STXBP6: variants seen among roughly 807,000 people sequenced by gnomAD.
STXBP6 encodes syntaxin binding protein 6, also known as syntaxin-binding protein 6.
A neutral mutation model predicts 26.9 loss-of-function variants in STXBP6; 21 were observed. That is an observed-to-expected ratio of 0.78 (90% CI 0.55 to 1.12). The LOEUF is 1.12. Among genes scored for constraint, STXBP6 ranks in the 50% most tolerant of loss-of-function variants. The pLI is 0.00. For synonymous variants in STXBP6, 97 were observed against 92.6 expected (o/e 1.05, Z -0.27); for missense variants, 232 against 257.9 (o/e 0.90, Z 0.69).
At chr14:24,888,721 CAAA>C (rs11292253) in intron 2 of STXBP6, among the ~76,000 whole-genome samples, 4 of 95,154 alleles carry the variant, frequency 4.2e-5, no homozygotes, top group African/African-American at 3.5e-5. Flanking sequence ...GACTCCGTCT[CAAA>C]AAAAAAAAAA....
At chr14:24,967,138 G>C (rs1595210960) in intron 2 of STXBP6, among the ~76,000 whole-genome samples, 1 of 152,246 alleles carries the variant, frequency 6.6e-6, no homozygotes, top group East Asian at 1.9e-4. Flanking sequence ...TCTTGGGCAG[G>C]CTAATTTGCC....
intron 1 of STXBP6, among the ~76,000 whole-genome samples, chr14:24,995,940 C>G (rs544059709): frequency 6.6e-6 from 1 of 152,258 alleles, no homozygotes; most frequent in South Asian, 2.1e-4. Context: ...CAAATCTGAA[C>G]ACTGCTTTCA....
At chr14:24,911,838 C>T (rs1452342943) in intron 2 of STXBP6, among the ~76,000 whole-genome samples, 1 of 152,160 alleles carries the variant, frequency 6.6e-6, no homozygotes, top group Non-Finnish European at 1.5e-5. Context: ...TGCACGTGCA[C>T]ATTTGTGTAC....
At chr14:25,021,026 A>G (rs996641194) in intron 1 of STXBP6, among the ~76,000 whole-genome samples, 1 of 151,800 alleles carries the variant, frequency 6.6e-6, no homozygotes, top group Non-Finnish European at 1.5e-5. Context: ...AATCATTCTC[A>G]CCATTCTCTC....
At chr14:24,823,181 A>T (rs1216407957) in intron 4 of STXBP6, among the ~76,000 whole-genome samples, 1 of 152,224 alleles carries the variant, frequency 6.6e-6, no homozygotes, top group Non-Finnish European at 1.5e-5. Context: ...CTTTTAAAAA[A>T]ATATATACGC....
At chr14:24,855,863 G>A (rs1201543198) in intron 4 of STXBP6, 73 bp downstream of exon 4, 3 of 1,421,798 alleles carry the variant, frequency 2.1e-6, no homozygotes, top group Non-Finnish European at 1.9e-6. Context: ...TTATGCTGCT[G>A]AACTCCTAAC....
At chr14:25,033,958 A>C (rs1043465736) in intron 1 of STXBP6, among the ~76,000 whole-genome samples, 2 of 152,216 alleles carry the variant, frequency 1.3e-5, no homozygotes, top group African/African-American at 4.8e-5. Context: ...CAGGATTTTA[A>C]ACCAGGAATT....
At chr14:24,889,283 A>G (rs1186956036) in intron 2 of STXBP6, among the ~76,000 whole-genome samples, 1 of 151,730 alleles carries the variant, frequency 6.6e-6, no homozygotes, top group Non-Finnish European at 1.5e-5. Context: ...AGGCAGGGGG[A>G]AGAAAACTTA....
At chr14:24,987,987 G>A (rs1405573871) in intron 1 of STXBP6, 1 of 649,104 alleles carries the variant, frequency 1.5e-6, no homozygotes, top group Non-Finnish European at 1.9e-6. Context: ...TGGGGAAGAA[G>A]AACAATCAAC....
At chr14:24,871,608 C>G (rs180909649) in intron 2 of STXBP6, among the ~76,000 whole-genome samples, 2 of 152,296 alleles carry the variant, frequency 1.3e-5, no homozygotes, top group East Asian at 3.9e-4. Flanking sequence ...TATTTACTAC[C>G]TGCAGAAGCA....
At chr14:24,975,028 T>C (rs2074007465) in intron 1 of STXBP6, among the ~76,000 whole-genome samples, 178 bp from the exon 2 acceptor site, 1 of 152,140 alleles carries the variant, frequency 6.6e-6, no homozygotes, top group Non-Finnish European at 1.5e-5. Flanking sequence ...TTGTAATAAC[T>C]ATGAAAAAAT....
chr14:24,954,847 A>G (rs1316232456), intron 2 of STXBP6, among the ~76,000 whole-genome samples: 1 of 152,230 alleles, frequency 6.6e-6, no homozygotes, highest in Non-Finnish European at 1.5e-5. Flanking sequence ...ACCTCTGTCC[A>G]CAGCGCAGAT....
intron 4 of STXBP6, among the ~76,000 whole-genome samples, chr14:24,822,711 T>C (rs140371241): frequency 3.2e-4 from 49 of 152,266 alleles, no homozygotes; most frequent in Middle Eastern, 3.4e-3. Context: ...CTATGTAATT[T>C]TGAAAAAAAT....
At chr14:24,922,240 A>T (rs764675984) in intron 2 of STXBP6, among the ~76,000 whole-genome samples, 2 of 152,028 alleles carry the variant, frequency 1.3e-5, no homozygotes, top group Admixed American at 6.6e-5. Context: ...AGGGGGGCTT[A>T]TAGATATCAA....
intron 1 of STXBP6, chr14:25,010,547 G>A (rs1647696055): frequency 6.6e-6 from 1 of 152,102 alleles, no homozygotes; most frequent in Non-Finnish European, 1.5e-5. Context: ...CTTTTAGTTG[G>A]GACTGCACTT....
At chr14:24,926,250 C>G (rs2072164122) in intron 2 of STXBP6, among the ~76,000 whole-genome samples, 1 of 152,108 alleles carries the variant, frequency 6.6e-6, no homozygotes, top group Non-Finnish European at 1.5e-5. Flanking sequence ...CTAAAGGGAG[C>G]AGAACGCTAG....
At chr14:24,989,905 T>C (rs1281435903) in intron 1 of STXBP6, among the ~76,000 whole-genome samples, 4 of 152,190 alleles carry the variant, frequency 2.6e-5, no homozygotes, top group Non-Finnish European at 5.9e-5. Flanking sequence ...GCATGTACTG[T>C]GGTTACATGT....
intron 1 of STXBP6, among the ~76,000 whole-genome samples, chr14:24,981,814 T>C (rs2074199708): frequency 6.6e-6 from 1 of 152,280 alleles, no homozygotes; most frequent in Non-Finnish European, 1.5e-5. Context: ...CCCATCAATC[T>C]TCATTGGTTA....
intron 2 of STXBP6, among the ~76,000 whole-genome samples, chr14:24,909,044 C>T (rs2071478543): frequency 6.6e-6 from 1 of 152,200 alleles, no homozygotes; most frequent in Non-Finnish European, 1.5e-5. Flanking sequence ...ACCATATTTA[C>T]ATTTCTGTGT....
Sources: gnomAD v4.1 joint callset for allele counts (sites outside exome capture counted in the v4.1 genomes callset) on GRCh38, gnomAD v4.1.1 for gene constraint, MANE v1.5 for transcripts, NCBI Gene and HGNC (gene_info 2026-07-23, HGNC 2026-07-21) for gene names.